MED12L: variants seen among roughly 807,000 people sequenced by gnomAD.
MED12L encodes mediator of RNA polymerase II transcription subunit 12-like protein.
Under a neutral mutation model 281.3 loss-of-function variants are expected in MED12L, and 60 were observed. The ratio of observed to expected loss-of-function variants is 0.21; its 90% CI spans 0.17 to 0.26. The LOEUF (loss-of-function observed/expected upper bound fraction) is 0.26, where lower values mean the gene tolerates loss of function less well. MED12L is among the 10% of genes least tolerant of loss of function. The pLI is 1.00. For missense variants in MED12L, 2,146 were observed against 2,680.9 expected, an observed-to-expected ratio of 0.80 and a Z score of 4.41; for synonymous variants, 974 against 987.2, an observed-to-expected ratio of 0.99 and a Z score of 0.25.
intron 11 of MED12L, among the ~76,000 whole-genome samples, chr3:151,171,751 C>G (rs1051408327): frequency 1.1e-4 from 16 of 152,182 alleles, no homozygotes; most frequent in Admixed American, 3.9e-4. Context: ...CAGGCCCAGC[C>G]AGGTTTGTAT....
intron 5 of MED12L, among the ~76,000 whole-genome samples, chr3:151,132,133 G>A (rs1410177984): frequency 6.6e-6 from 1 of 152,126 alleles, no homozygotes; most frequent in East Asian, 1.9e-4. Context: ...ACTAAGACAG[G>A]CCAAAGGCTA....
chr3:151,126,982 C>T (rs1714632848), intron 4 of MED12L, among the ~76,000 whole-genome samples: 1 of 152,150 alleles, frequency 6.6e-6, no homozygotes, highest in African/African-American at 2.4e-5. Flanking sequence ...CCCTCAGTCT[C>T]ATTGCTCTCA....
rs61159567 is a variant in MED12L at position 151,264,536 on chromosome 3, G to A, written c.2250+70870G>A. Among the ~76,000 whole-genome samples the A allele has an allele frequency of 5.7e-3, 861 of 152,330 alleles. 6 individuals are homozygous for A. The highest frequency in any genetic ancestry group is 0.02 in the African/African-American group (828 of 41,566). ...ACATCTCTAAGATAACCATAACCCA[G>A]TATGGAGAGTTTTCTCATTTATAGT... On this transcript the variant is annotated intron_variant, in intron 16 of 44. Coordinates refer to ENST00000687756, the MANE Select transcript of MED12L (RefSeq NM_001393769.1).
At chr3:151,219,316 AT>A (rs1371881295) in intron 16 of MED12L, among the ~76,000 whole-genome samples, 1 of 152,228 alleles carries the variant, frequency 6.6e-6, no homozygotes, top group Non-Finnish European at 1.5e-5. Flanking sequence ...CACTCCAGAA[AT>A]ACGTTCATCT....
rs1274242625 is a variant in MED12L at position 151,113,491 on chromosome 3, C to T, written c.100-2847C>T. Reference sequence around the variant, plus strand: ...ATGGTCTCACTTGAGTTTTAAAAAGCTCCCTATGGCTGCTGTGGTCAAAGT... The same window carrying T: ...ATGGTCTCACTTGAGTTTTAAAAAGTTCCCTATGGCTGCTGTGGTCAAAGT... On this transcript the variant is annotated intron_variant, in intron 2 of 44. Coordinates refer to ENST00000687756, the MANE Select transcript of MED12L (RefSeq NM_001393769.1). Among the ~76,000 whole-genome samples the T allele has an allele frequency of 3.9e-5, 6 of 152,284 alleles. No homozygotes were observed. In the East Asian group the frequency reaches 1.2e-3, roughly 29 times the overall value.
intron 31 of MED12L, among the ~76,000 whole-genome samples, chr3:151,379,658 AAATC>A (rs1467412945): frequency 6.6e-6 from 1 of 152,224 alleles, no homozygotes; most frequent in Non-Finnish European, 1.5e-5. Context: ...CTGAAAAACA[AAATC>A]AAACCCCAAA....
At chr3:151,416,102 G>A (rs1256985210) in intron 42 of MED12L, among the ~76,000 whole-genome samples, 1 of 152,198 alleles carries the variant, frequency 6.6e-6, no homozygotes, top group Non-Finnish European at 1.5e-5. Flanking sequence ...GTAGGGTTGG[G>A]GTGGTCCTAG....
chr3:151,349,965 G>C (rs1577401597), intron 16 of MED12L, 94 bp from the exon 17 acceptor site: 9 of 1,161,556 alleles, frequency 7.7e-6, no homozygotes, highest in Non-Finnish European at 8.4e-6. Context: ...CCGCAAGCCA[G>C]CATGGAGGTG....
Position 151,411,520 on chromosome 3 carries a change from G to A in MED12L, c.6140+13G>A, listed in dbSNP as rs780710530. ...CTGGCTCTCAGAGGTGATACATGTG[G>A]AAATGATGATGGCAATAATGAACAG... On this transcript the variant is annotated intron_variant, in intron 41 of 44. Transcript: ENST00000687756. The A allele has an allele frequency of 1.6e-5, 25 of 1,609,356 alleles. No homozygotes were observed. Among genetic ancestry groups the A allele is most frequent in the Non-Finnish European group, 2.0e-5 (24 of 1,175,780 alleles).
intron 21 of MED12L, among the ~76,000 whole-genome samples, chr3:151,361,872 G>T (rs1754648316): frequency 6.6e-6 from 1 of 152,046 alleles, no homozygotes; most frequent in Non-Finnish European, 1.5e-5. Context: ...CTTAGCACTT[G>T]CTACCCCCAC....
At chr3:151,382,169 C>CA (rs1712483630) in intron 32 of MED12L, among the ~76,000 whole-genome samples, 1 of 152,054 alleles carries the variant, frequency 6.6e-6, no homozygotes, top group Non-Finnish European at 1.5e-5. Flanking sequence ...CCATATTTTT[C>CA]AAAGTACCGT....
intron 16 of MED12L, among the ~76,000 whole-genome samples, chr3:151,308,255 A>G (rs1484405095): frequency 2.0e-5 from 3 of 152,144 alleles, no homozygotes; most frequent in Non-Finnish European, 2.9e-5. Context: ...TACTACTCAC[A>G]TTACTATGGC....
intron 5 of MED12L, among the ~76,000 whole-genome samples, chr3:151,147,628 C>T (rs954715927): frequency 2.0e-5 from 3 of 152,342 alleles, no homozygotes; most frequent in Middle Eastern, 3.4e-3. Context: ...TCCTTTGAAA[C>T]TGGCTTGTTT....
chr3:151,387,668 T>C, intron 36 of MED12L, 142 bp from the exon 37 acceptor site: 1 of 916,400 alleles, frequency 1.1e-6, no homozygotes, highest in Non-Finnish European at 1.6e-6. Context: ...GATGTAGCTG[T>C]GTAACCCTCT....
chr3:151,318,783 G>A (rs1328985074), intron 16 of MED12L, among the ~76,000 whole-genome samples: 1 of 152,158 alleles, frequency 6.6e-6, no homozygotes, highest in Non-Finnish European at 1.5e-5. Flanking sequence ...GCCCTTCTAA[G>A]TGCGAAGAAG....
chr3:151,126,705 C>G (rs747468256), intron 4 of MED12L, among the ~76,000 whole-genome samples: 2 of 152,150 alleles, frequency 1.3e-5, no homozygotes, highest in Non-Finnish European at 2.9e-5. Context: ...TGTTCAGGAT[C>G]CTCTAAGAAA....
rs149899257 is a variant in MED12L at position 151,377,580 on chromosome 3, C to A, written c.4316+402C>A. On this transcript the variant is annotated intron_variant, in intron 30 of 44. Transcript: ENST00000687756. ...TAAAGTCTTAAAGTAATTATTTAAT[C>A]ATGAAAGGCTGATTTGTATTTCATC... 3.0e-3 allele frequency among the ~76,000 whole-genome samples: 454 copies of A among 152,308 alleles called. 2 individuals carry two copies. Among genetic ancestry groups the A allele is most frequent in the African/African-American group, 0.011 (442 of 41,566 alleles).
intron 5 of MED12L, among the ~76,000 whole-genome samples, chr3:151,150,315 C>T (rs1420328080): frequency 2.0e-5 from 3 of 152,148 alleles, no homozygotes; most frequent in Non-Finnish European, 4.4e-5. Flanking sequence ...TCTTGGGTGA[C>T]CAGGTGCTTT....
At chr3:151,405,658 A>G (rs1488778569) in intron 39 of MED12L, among the ~76,000 whole-genome samples, 2 of 152,190 alleles carry the variant, frequency 1.3e-5, no homozygotes, top group African/African-American at 4.8e-5. Flanking sequence ...CACATAAACA[A>G]AAACAAACAA....
Sources: gnomAD v4.1 joint callset for allele counts (sites outside exome capture counted in the v4.1 genomes callset) on GRCh38, gnomAD v4.1.1 for gene constraint, MANE v1.5 for transcripts, NCBI Gene and HGNC (gene_info 2026-07-23, HGNC 2026-07-21) for gene names.